Variants in HIPK3 observed in about 807,000 individuals in gnomAD.
The protein encoded by HIPK3 is homeodomain-interacting protein kinase 3.
HIPK3 carries 47 observed loss-of-function variants against 124.2 expected under a neutral mutation model. The ratio of observed to expected loss-of-function variants is 0.38; its 90% CI spans 0.30 to 0.48. The LOEUF (loss-of-function observed/expected upper bound fraction) is 0.48, where lower values mean the gene tolerates loss of function less well. Ranked by LOEUF, HIPK3 falls within the 20% of genes least tolerant of loss-of-function variation. HIPK3 has a pLI of 0.98. For missense variants in HIPK3, 1,286 were observed against 1,454.3 expected, an observed-to-expected ratio of 0.88 and a Z score of 1.88; for synonymous variants, 482 against 515.2, an observed-to-expected ratio of 0.94 and a Z score of 0.87.
At chr11:33,323,326 C>A (rs1021417901) in intron 2 of HIPK3, among the ~76,000 whole-genome samples, 1 of 152,148 alleles carries the variant, frequency 6.6e-6, no homozygotes, top group African/African-American at 2.4e-5. Context: ...TCACTGCAAC[C>A]TTTGCCTCCC....
In HIPK3 at chr11:33,339,520, C is replaced by G; in HGVS notation, c.1599C>G (p.Phe533Leu). 6.3e-7 allele frequency: 1 copy of G among 1,597,842 alleles called. No homozygotes were observed. Among genetic ancestry groups the G allele is most frequent in the South Asian group, 1.1e-5 (1 of 89,152 alleles). Residue 533 changes from phenylalanine to leucine, a missense_variant, in exon 6 of 17, where the codon TTC becomes TTG. Physicochemically the swap from Phe to Leu is conservative, Grantham distance 22. Around this residue, in one of 3 missense-constraint regions of HIPK3, gnomAD observed 810 missense variants for 864.9 expected, o/e 0.94. Coordinates refer to ENST00000303296, the MANE Select transcript of HIPK3 (RefSeq NM_005734.5). ...TTAATATGAAACATCTTCTAGATTTCCCTCATAGCAACCAGTATGTTACTT... is the reference window on the plus strand; with the variant it reads ...TTAATATGAAACATCTTCTAGATTTGCCTCATAGCAACCAGTATGTTACTT... ...PFVNMKHLLD[F>L]PHSNHVKSCF...
At chr11:33,259,908 GGCC>G (rs1460017421) in intron 1 of HIPK3, among the ~76,000 whole-genome samples, 1 of 150,802 alleles carries the variant, frequency 6.6e-6, no homozygotes, top group South Asian at 2.1e-4. Flanking sequence ...GAACAGAACT[GGCC>G]ATTAAATGTT....
At chr11:33,266,325 T>A (rs1353329429) in intron 1 of HIPK3, among the ~76,000 whole-genome samples, 2 of 151,896 alleles carry the variant, frequency 1.3e-5, no homozygotes, top group Non-Finnish European at 2.9e-5. Flanking sequence ...TAAAATGAAA[T>A]ATTTAAATAA....
At chr11:33,294,685 G>T (rs571935869) in intron 2 of HIPK3, among the ~76,000 whole-genome samples, 1 of 152,202 alleles carries the variant, frequency 6.6e-6, no homozygotes, top group South Asian at 2.1e-4. Context: ...GCTCACTGCA[G>T]TGTCAGACTC....
chr11:33,323,569 A>C (rs1228126115), intron 2 of HIPK3, among the ~76,000 whole-genome samples: 2 of 152,222 alleles, frequency 1.3e-5, no homozygotes, highest in African/African-American at 2.4e-5. Flanking sequence ...AAATGTCCAG[A>C]ATAGGCAAAT....
chr11:33,305,484 TG>T (rs1469772944), intron 2 of HIPK3, among the ~76,000 whole-genome samples: 1 of 152,252 alleles, frequency 6.6e-6, no homozygotes, highest in African/African-American at 2.4e-5. Context: ...CTAGAAACTT[TG>T]CATAATTACC....
Position 33,339,514 on chromosome 11 carries a change from A to G in HIPK3, c.1593A>G (p.Leu531=), listed in dbSNP as rs1289753281. The change falls in exon 6 of 17, where the codon CTA becomes CTG. Residue 531 remains leucine (L), a synonymous_variant. Coordinates refer to ENST00000303296, the MANE Select transcript of HIPK3 (RefSeq NM_005734.5). ...CTTTTGTTAATATGAAACATCTTCT[A>G]GATTTCCCTCATAGCAACCAGTATG... is the stretch of plus-strand genomic sequence containing the variant. ...NHPFVNMKHL[L]DFPHSNHVKS... is the part of the protein sequence containing the mutation. 1 of 1,603,190 alleles carries G rather than the reference A, an allele frequency of 6.2e-7. No homozygotes were observed.
chr11:33,268,464 A>G (rs1440173311), intron 1 of HIPK3, among the ~76,000 whole-genome samples: 2 of 151,596 alleles, frequency 1.3e-5, no homozygotes, highest in Non-Finnish European at 2.9e-5. Context: ...GGTGGTGCAT[A>G]CCTGTAGTCC....
chr11:33,303,164 C>T (rs955408189), intron 2 of HIPK3, among the ~76,000 whole-genome samples: 4 of 152,184 alleles, frequency 2.6e-5, no homozygotes, highest in African/African-American at 7.2e-5. Context: ...AATCCACAGA[C>T]ACTCAAGTCC....
In HIPK3 at chr11:33,295,277, G is replaced by GCT. The variant is rs528652475; in HGVS notation, c.1097+7767_1097+7768insTC. Among the ~76,000 whole-genome samples the GCT allele has an allele frequency of 2.0e-4, 21 of 106,634 alleles. 1 individual carries two copies. The highest frequency in any genetic ancestry group is 8.0e-4 in the African/African-American group (21 of 26,248). 70.0% of individuals were successfully genotyped at this position (106,634 alleles called of 152,430 possible). ...CACCTGGAGAGAAGCAGCCACCACC[G>GCT]CCCCCCCCCCACAACTCCACCCCAT... On this transcript the variant is annotated intron_variant, in intron 2 of 16. Transcript: ENST00000303296.
chr11:33,329,909 C>T (rs541127994), intron 3 of HIPK3, among the ~76,000 whole-genome samples: 1 of 152,126 alleles, frequency 6.6e-6, no homozygotes, highest in Admixed American at 6.5e-5. Context: ...GCATGCATAC[C>T]GCCCTGGAGC....
intron 1 of HIPK3, among the ~76,000 whole-genome samples, chr11:33,283,597 C>T (rs1006282414): frequency 1.3e-5 from 2 of 151,720 alleles, no homozygotes; most frequent in Non-Finnish European, 2.9e-5. Flanking sequence ...AAAGGTGGTA[C>T]GTTTACTTGT....
chr11:33,313,210 ATTC>A (rs1172698497), intron 2 of HIPK3, among the ~76,000 whole-genome samples: 2 of 152,234 alleles, frequency 1.3e-5, no homozygotes, highest in Non-Finnish European at 2.9e-5. Context: ...ACTGGTGTGT[ATTC>A]TTAGAAAATG....
At chr11:33,317,387 A>G (rs1362298836) in intron 2 of HIPK3, among the ~76,000 whole-genome samples, 3 of 148,144 alleles carry the variant, frequency 2.0e-5, no homozygotes, top group South Asian at 2.1e-4. Flanking sequence ...CAGCTCCCCA[A>G]GTAGCTGGGA....
In HIPK3 at chr11:33,286,713, A is replaced by G; in HGVS notation, c.299A>G (p.Gln100Arg). ...GATKVIAAQA[Q>R]QAHVQAPQIG... ...ACAAAGGTCATAGCAGCTCAGGCAC[A>G]GCAAGCTCACGTGCAGGCACCTCAG... Residue 100 changes from glutamine to arginine, a missense_variant, in exon 2 of 17, where the codon CAG becomes CGG. Around this residue, in one of 3 missense-constraint regions of HIPK3, gnomAD observed 225 missense variants for 240.3 expected, o/e 0.94. Coordinates refer to ENST00000303296, the MANE Select transcript of HIPK3 (RefSeq NM_005734.5). The G allele has an allele frequency of 6.2e-7, 1 of 1,614,130 alleles. No individual in the cohort carries two copies. The highest frequency in any genetic ancestry group is 8.5e-7 in the Non-Finnish European group (1 of 1,180,010).
chr11:33,349,435 A>G, intron 14 of HIPK3, 148 bp downstream of exon 14: 1 of 665,652 alleles, frequency 1.5e-6, no homozygotes, highest in Non-Finnish European at 2.5e-6. Flanking sequence ...GTTTTTATAA[A>G]CACAGGTTTG....
At position 33,341,115 on chromosome 11, in the gene HIPK3, A is replaced by G; in HGVS notation, c.1761A>G (p.Thr587=). The G allele has an allele frequency of 6.3e-7, 1 of 1,590,222 alleles. No individual in the cohort carries two copies. Among genetic ancestry groups the G allele is most frequent in the Non-Finnish European group, 8.5e-7 (1 of 1,171,860 alleles). ...CTGCAAATTTTACTAAAATCGGAAC[A>G]TTAAGAAGTCAGGTAAGAATGTGTA... ...TLTANFTKIG[T]LRSQALTTSA... is the part of the protein sequence containing the mutation. The change falls in exon 7 of 17, where the codon ACA becomes ACG. Residue 587 remains threonine (T), a synonymous_variant. Coordinates refer to ENST00000303296, the MANE Select transcript of HIPK3 (RefSeq NM_005734.5).
At chr11:33,317,434 T>A (rs1452564686) in intron 2 of HIPK3, among the ~76,000 whole-genome samples, 1 of 152,034 alleles carries the variant, frequency 6.6e-6, no homozygotes, top group African/African-American at 2.4e-5. Context: ...CTAATATTTT[T>A]AAAAAATTGT....
At chr11:33,272,612 C>T (rs929388147) in intron 1 of HIPK3, among the ~76,000 whole-genome samples, 1 of 151,916 alleles carries the variant, frequency 6.6e-6, no homozygotes, top group Non-Finnish European at 1.5e-5. Context: ...TTTCCTTTTT[C>T]CTTTTTTCTT....
Sources: allele counts gnomAD v4.1 joint callset (sites outside exome capture counted in the v4.1 genomes callset), GRCh38; gene constraint gnomAD v4.1.1; regional missense constraint gnomAD v4.1.1; transcripts MANE v1.5; gene names NCBI Gene and HGNC (gene_info 2026-07-23, HGNC 2026-07-21).